TSPOAP1: variants seen among roughly 807,000 people sequenced by gnomAD.
The protein encoded by TSPOAP1 is peripheral-type benzodiazepine receptor-associated protein 1.
TSPOAP1 carries 87 observed loss-of-function variants against 197.0 expected under a neutral mutation model. The ratio of observed to expected loss-of-function variants is 0.44; its 90% CI spans 0.37 to 0.53. TSPOAP1 has a LOEUF of 0.53. Among genes scored for constraint, TSPOAP1 ranks in the 20% least tolerant of loss-of-function variants. The probability of loss-of-function intolerance (pLI) is 0.00; values close to 1 mark genes in which losing one functional copy is unlikely to be tolerated. For synonymous variants in TSPOAP1, 913 were observed against 998.9 expected (o/e 0.91, Z 1.62); for missense variants, 2,174 against 2,411.3 (o/e 0.90, Z 2.06).
At position 58,328,000 on chromosome 17, in the gene TSPOAP1, G is replaced by A. The variant is rs1190428998; in HGVS notation, c.-80C>T. On this transcript the variant is annotated 5_prime_UTR_variant, in exon 1 of 32. Coordinates refer to ENST00000343736, the MANE Select transcript of TSPOAP1 (RefSeq NM_004758.4). Reference sequence around the variant, plus strand: ...GGGGGACTGGCGAGGGTCATGCCAGGCCAGCCCCTCTCCCCTCTGAGCTCT... The same window carrying A: ...GGGGGACTGGCGAGGGTCATGCCAGACCAGCCCCTCTCCCCTCTGAGCTCT... 5 of 1,256,082 alleles carry A rather than the reference G, an allele frequency of 4.0e-6. No homozygotes were observed. Among genetic ancestry groups the A allele is most frequent in the African/African-American group, 1.5e-5 (1 of 66,640 alleles). The allele number at this position is 1,256,082 out of a possible 1,614,324, so 77.8% of individuals were successfully genotyped here. A position where few individuals can be genotyped will look rare whatever the true frequency, so the allele number is the denominator to read the frequency against.
Position 58,311,680 on chromosome 17 carries a change from G to A in TSPOAP1, c.2972C>T (p.Pro991Leu). Residue 991 changes from proline (P) to leucine (L), a missense_variant, in exon 18 of 32, where the codon CCC becomes CTC. This residue lies in a region of TSPOAP1 where 1,933 missense variants were observed against 2,139.0 expected (regional missense o/e 0.90). Coordinates refer to ENST00000343736, the MANE Select transcript of TSPOAP1 (RefSeq NM_004758.4). ...APLDVQIEPG[P>L]SPGILIISWL... Reference sequence around the variant, plus strand: ...ACTGATGATCAAGATCCCAGGGGAGGGCCCAGGCTCGATCTGCACATCCAG... The same window carrying A: ...ACTGATGATCAAGATCCCAGGGGAGAGCCCAGGCTCGATCTGCACATCCAG... 2 of 1,606,130 alleles carry A rather than the reference G, an allele frequency of 1.2e-6. No individual in the cohort carries two copies. Among genetic ancestry groups the A allele is most frequent in the South Asian group, 1.1e-5 (1 of 90,318 alleles).
At position 58,322,206 on chromosome 17, in the gene TSPOAP1, G is replaced by T; in HGVS notation, c.1422+102C>A. On this transcript the variant is annotated intron_variant, in intron 10 of 31. Transcript: ENST00000343736. The surrounding 1 kb of genome is among the most constrained non-coding windows in gnomAD (Gnocchi z 5.0). ...GGTCTTTGTTCCCCACAGTCTCCCC[G>T]ACGCCTAGCACAGTGCCGGGCACAC... The T allele has an allele frequency of 8.4e-7, 1 of 1,192,734 alleles. No individual in the cohort carries two copies. The highest frequency in any genetic ancestry group is 1.2e-6 in the Non-Finnish European group (1 of 839,744). 73.9% of individuals were successfully genotyped at this position (1,192,734 alleles called of 1,614,324 possible). A position where few individuals can be genotyped will look rare whatever the true frequency, so the allele number is the denominator to read the frequency against.
At chr17:58,310,206 A>C in intron 20 of TSPOAP1, 48 bp from the exon 21 acceptor site, 2 of 1,568,938 alleles carry the variant, frequency 1.3e-6, no homozygotes, top group Non-Finnish European at 1.7e-6. Context: ...GTGAGGGGGC[A>C]CAGGGGGTTC....
intron 17 of TSPOAP1, 28 bp from the exon 18 acceptor site, chr17:58,311,750 T>G: frequency 3.2e-6 from 5 of 1,541,394 alleles, no homozygotes; most frequent in Admixed American, 4.0e-5. Context: ...CAAGACCCAG[T>G]GATGCAGGAC....
In TSPOAP1 at chr17:58,324,762, C is replaced by CAT; in HGVS notation, c.942+48_942+49insAT. The CAT allele has an allele frequency of 7.6e-7, 1 of 1,307,308 alleles. No individual in the cohort carries two copies. Among genetic ancestry groups the CAT allele is most frequent in the Non-Finnish European group, 9.9e-7 (1 of 1,014,602 alleles). 81.0% of individuals were successfully genotyped at this position (1,307,308 alleles called of 1,614,324 possible). A position where few individuals can be genotyped will look rare whatever the true frequency, so the allele number is the denominator to read the frequency against. ...AGGGGAGATCCCGGTGGTCGTTCCC[C>CAT]CCACCCATCTGCACGCACCCACACA... On this transcript the variant is annotated intron_variant, in intron 5 of 31. Transcript: ENST00000343736. This position sits in a 1 kb window ranked among gnomAD's most constrained non-coding sequence, Gnocchi z 5.8.
At chr17:58,305,330 C>A in intron 29 of TSPOAP1, 57 bp downstream of exon 29, 2 of 1,596,508 alleles carry the variant, frequency 1.3e-6, no homozygotes, top group Non-Finnish European at 1.7e-6. Flanking sequence ...TGCCTATCCC[C>A]CTGTCCGAAG....
chr17:58,313,703 A>G (rs1030115965), intron 16 of TSPOAP1, among the ~76,000 whole-genome samples: 1 of 152,184 alleles, frequency 6.6e-6, no homozygotes, highest in African/African-American at 2.4e-5. Context: ...TGAACAGCAG[A>G]CATCCACAGA....
chr17:58,326,263 A>C lies in TSPOAP1; in HGVS notation c.570+30T>G. ...TGGCTCCCCTCTTCCTTGGTCACCC[A>C]GCCTCCGCCCAGCAGCCTCCTTTCC... On this transcript the variant is annotated intron_variant, in intron 3 of 31. Transcript: ENST00000343736. This position sits in a 1 kb window ranked among gnomAD's most constrained non-coding sequence, Gnocchi z 4.7. The C allele has an allele frequency of 3.7e-6, 6 of 1,612,104 alleles. No homozygotes were observed. The highest frequency in any genetic ancestry group is 5.1e-6 in the Non-Finnish European group (6 of 1,179,000).
At chr17:58,320,474 G>T in intron 11 of TSPOAP1, 57 bp downstream of exon 11, 1 of 1,460,746 alleles carries the variant, frequency 6.8e-7, no homozygotes, top group Admixed American at 2.6e-5. Context: ...TCTATCTGGA[G>T]GACCCCCGCC....
In TSPOAP1 at chr17:58,318,357, T is replaced by C. The variant is rs1039893612; in HGVS notation, c.1795A>G (p.Lys599Glu). 2 of 1,614,186 alleles carry C rather than the reference T, an allele frequency of 1.2e-6. No individual in the cohort carries two copies. Among genetic ancestry groups the C allele is most frequent in the South Asian group, 1.1e-5 (1 of 91,092 alleles). Residue 599 changes from lysine (K) to glutamate (E), a missense_variant, in exon 14 of 32, where the codon AAG becomes GAG. By Grantham distance (56) the Lys-to-Glu change is moderately conservative (BLOSUM62 1). Coordinates refer to ENST00000343736, the MANE Select transcript of TSPOAP1 (RefSeq NM_004758.4). ...TLTGVPRRTA[K>E]KAESLSNSSH... ...GAGTTGGAGAGAGACTCTGCCTTCT[T>C]GGCTGTCCTTCGAGGGACCCCAGTG...
intron 16 of TSPOAP1, 59 bp from the exon 17 acceptor site, chr17:58,312,781 A>G (rs1387688851): frequency 7.1e-7 from 1 of 1,411,586 alleles, no homozygotes; most frequent in Non-Finnish European, 9.6e-7. Flanking sequence ...AGATAAAGAA[A>G]AAACGGTATA....
rs2072148 is a variant in TSPOAP1, at chr17:58,318,322, G to C, written c.1830C>G (p.Ser610=). 2 of 1,614,158 alleles carry C rather than the reference G, an allele frequency of 1.2e-6. No individual in the cohort carries two copies. Among genetic ancestry groups the C allele is most frequent in the South Asian group, 1.1e-5 (1 of 91,084 alleles). The change falls in exon 14 of 32, where the codon TCC becomes TCG. Residue 610 remains serine, a synonymous_variant. Coordinates refer to ENST00000343736, the MANE Select transcript of TSPOAP1 (RefSeq NM_004758.4). ...KAESLSNSSH[S]ESIHNSPKSC... ...ACTTGGGGCTGTTGTGGATGGACTCGGAGTGGGAGGAGTTGGAGAGAGACT... is the reference window on the plus strand; with the variant it reads ...ACTTGGGGCTGTTGTGGATGGACTCCGAGTGGGAGGAGTTGGAGAGAGACT...
In TSPOAP1 at chr17:58,312,071, C is replaced by T. The variant is rs781016311; in HGVS notation, c.2750G>A (p.Gly917Glu). ...GGGGCTGGCAGGTGGGCACTCTTCCCCATTGAGGTAGATGGCATGGGCCAA... is the reference window on the plus strand; with the variant it reads ...GGGGCTGGCAGGTGGGCACTCTTCCTCATTGAGGTAGATGGCATGGGCCAA... ...SNLAHAIYLN[G>E]EECPPASPST... The change falls in exon 17 of 32, where the codon GGG (glycine) becomes GAG (glutamate). Residue 917 changes from glycine to glutamate, a missense_variant. Gly to Glu is a moderately conservative substitution (Grantham distance 98). Transcript: ENST00000343736. The T allele has an allele frequency of 2.5e-6, 4 of 1,613,432 alleles. No homozygotes were observed. Among genetic ancestry groups the T allele is most frequent in the South Asian group, 1.1e-5 (1 of 91,088 alleles).
At chr17:58,315,890 GGGATGGATGGAT>G (rs199737483) in intron 16 of TSPOAP1, 121 bp downstream of exon 16, 118 of 682,654 alleles carry the variant, frequency 1.7e-4, no homozygotes, top group Middle Eastern at 4.0e-4. Context: ...CTGGGCAGAG[GGGATGGATGGAT>G]GGATGGATGG....
In TSPOAP1 at chr17:58,326,429, G is replaced by A; in HGVS notation, c.442-8C>T. ...AGGGAAGCTGCTCTTCCTCTGACAAGGGGTCAGGCAGAATTGGGGCATGTA... is the reference window on the plus strand; with the variant it reads ...AGGGAAGCTGCTCTTCCTCTGACAAAGGGTCAGGCAGAATTGGGGCATGTA... On this transcript the variant is annotated splice_polypyrimidine_tract_variant and splice_region_variant and intron_variant, in intron 2 of 31. Transcript: ENST00000343736. This position sits in a 1 kb window ranked among gnomAD's most constrained non-coding sequence, Gnocchi z 4.7. 6.2e-7 allele frequency: 1 copy of A among 1,613,272 alleles called. No homozygotes were observed. Among genetic ancestry groups the A allele is most frequent in the Non-Finnish European group, 8.5e-7 (1 of 1,179,956 alleles).
Position 58,326,754 on chromosome 17 carries a change from G to A in TSPOAP1, c.370C>T (p.Leu124=). 6.2e-7 allele frequency: 1 copy of A among 1,614,078 alleles called. No individual in the cohort carries two copies. The highest frequency in any genetic ancestry group is 8.5e-7 in the Non-Finnish European group (1 of 1,179,996). The change falls in exon 2 of 32, where the codon CTG becomes TTG. Residue 124 remains leucine (L), a synonymous_variant. Coordinates refer to ENST00000343736, the MANE Select transcript of TSPOAP1 (RefSeq NM_004758.4). The surrounding 1 kb of genome is among the most constrained non-coding windows in gnomAD (Gnocchi z 4.7). The part of the protein sequence containing the change: ...LNMSFGDRPN[L]ELLRALGELR... ...TCCCCCAGGGCCCTCAGCAGCTCCA[G>A]ATTGGGCCTGTCCCCAAAGCTCATA...
At chr17:58,320,447 C>T (rs1971372099) in intron 11 of TSPOAP1, 84 bp downstream of exon 11, 3 of 1,400,164 alleles carry the variant, frequency 2.1e-6, no homozygotes, top group Non-Finnish European at 2.9e-6. Context: ...CTCCCCACCG[C>T]CATAGTCCAT....
chr17:58,323,535 T>C lies in TSPOAP1; in HGVS notation c.953A>G (p.Gln318Arg), dbSNP rs767676417. 8.7e-6 allele frequency: 14 copies of C among 1,614,012 alleles called. No homozygotes were observed. In the East Asian group the frequency reaches 3.1e-4, roughly 36 times the overall value. Reference protein sequence around the residue: ...APGAPGEATPQEDADNLPVIL... With the variant: ...APGAPGEATPREDADNLPVIL... Reference sequence around the variant, plus strand: ...CACGGGTAGGTTGTCCGCATCCTCCTGGGGCGTGGCCTGGAAATGCCCAGG... The same window carrying C: ...CACGGGTAGGTTGTCCGCATCCTCCCGGGGCGTGGCCTGGAAATGCCCAGG... The change falls in exon 6 of 32, where the codon CAG (glutamine) becomes CGG (arginine). Residue 318 changes from glutamine to arginine, a missense_variant. Physicochemically the swap from Gln to Arg is conservative, Grantham distance 43 (BLOSUM62 1). Around this residue, in one of 5 missense-constraint regions of TSPOAP1, gnomAD observed 1,933 missense variants for 2,139.0 expected, o/e 0.90. Transcript: ENST00000343736.
At position 58,310,597 on chromosome 17, in the gene TSPOAP1, G is replaced by A. The variant is rs1971049609; in HGVS notation, c.3614C>T (p.Thr1205Ile). 3 of 1,613,234 alleles carry A rather than the reference G, an allele frequency of 1.9e-6. No homozygotes were observed. Among genetic ancestry groups the A allele is most frequent in the South Asian group, 1.1e-5 (1 of 91,090 alleles). Reference sequence around the variant, plus strand: ...CGCCTGCTGGGCCCGTGCTCCCTGGGTGGAGCTGGAGGCCGGACAGGCCTC... The same window carrying A: ...CGCCTGCTGGGCCCGTGCTCCCTGGATGGAGCTGGAGGCCGGACAGGCCTC... The part of the protein sequence containing the change: ...AGEACPASSS[T>I]QGARAQQAPN... Residue 1205 changes from threonine to isoleucine, a missense_variant, in exon 20 of 32, where the codon ACC (threonine) becomes ATC (isoleucine). Physicochemically the swap from Thr to Ile is moderately conservative, Grantham distance 89. Coordinates refer to ENST00000343736, the MANE Select transcript of TSPOAP1 (RefSeq NM_004758.4).
Sources: allele counts gnomAD v4.1 joint callset (sites outside exome capture counted in the v4.1 genomes callset), GRCh38; gene constraint gnomAD v4.1.1; regional missense constraint gnomAD v4.1.1; non-coding constraint Gnocchi (gnomAD v3.1); transcripts MANE v1.5; gene names NCBI Gene and HGNC (gene_info 2026-07-23, HGNC 2026-07-21).